The following LOXL2 variants were observed in gnomAD, a reference collection of about 807,000 sequenced individuals.
LOXL2 encodes lysyl oxidase like 2.
In LOXL2, 70 loss-of-function variants were observed where a neutral mutation model predicts 93.0. That is an observed-to-expected ratio of 0.75 (90% confidence interval 0.62 to 0.92). LOXL2 has a LOEUF of 0.92. LOXL2 is among the 40% of genes least tolerant of loss of function. LOXL2 has a pLI of 0.00. For synonymous variants in LOXL2, 438 were observed against 413.2 expected, an observed-to-expected ratio of 1.06 and a Z score of -0.73; for missense variants, 973 against 1,054.9, an observed-to-expected ratio of 0.92 and a Z score of 1.08.
At chr8:23,366,474 A>G (rs533439951) in intron 2 of LOXL2, among the ~76,000 whole-genome samples, 11 of 152,246 alleles carry the variant, frequency 7.2e-5, no homozygotes, top group Non-Finnish European at 1.0e-4. Flanking sequence ...GAAAAGTTGG[A>G]AGGGAGGATA....
At chr8:23,338,010 C>T (rs1256045324) in intron 4 of LOXL2, among the ~76,000 whole-genome samples, 1 of 152,192 alleles carries the variant, frequency 6.6e-6, no homozygotes, top group Non-Finnish European at 1.5e-5. Flanking sequence ...TCAATAAGCT[C>T]AACAGTTTCA....
intron 3 of LOXL2, among the ~76,000 whole-genome samples, chr8:23,349,263 G>A (rs1333228993): frequency 2.0e-5 from 3 of 152,120 alleles, no homozygotes; most frequent in East Asian, 1.9e-4. Context: ...TCTCCCATCC[G>A]TTCATCCTCT....
chr8:23,314,797 AATAAATAC>A (rs1349442268), intron 9 of LOXL2, among the ~76,000 whole-genome samples: 2 of 150,980 alleles, frequency 1.3e-5, no homozygotes, highest in African/African-American at 2.4e-5. Flanking sequence ...GTATAATAAT[AATAAATAC>A]ATAAATACAT....
chr8:23,328,708 G>GGTGT (rs1406520302), intron 5 of LOXL2, 143 bp from the exon 6 acceptor site: 1 of 422,718 alleles, frequency 2.4e-6, no homozygotes, highest in Non-Finnish European at 4.2e-6. Context: ...TTGATGTATG[G>GGTGT]ATGTGTGTGT....
At chr8:23,367,141 C>G (rs1463062664) in intron 2 of LOXL2, among the ~76,000 whole-genome samples, 2 of 152,152 alleles carry the variant, frequency 1.3e-5, no homozygotes, top group Non-Finnish European at 2.9e-5. Flanking sequence ...CTCCGCCTCC[C>G]GGGTTCAAGC....
intron 2 of LOXL2, among the ~76,000 whole-genome samples, chr8:23,362,205 C>A (rs73224491): frequency 6.6e-6 from 1 of 152,018 alleles, no homozygotes; most frequent in East Asian, 1.9e-4. Context: ...AATAAAGACA[C>A]TATGCTAAGT....
intron 3 of LOXL2, 198 bp from the exon 4 acceptor site, chr8:23,341,401 A>G: frequency 1.7e-6 from 1 of 600,820 alleles, no homozygotes; most frequent in South Asian, 1.9e-5. Context: ...TATGCATGGG[A>G]GATAGTGAGG....
At chr8:23,332,494 AC>A (rs1803707613) in intron 5 of LOXL2, among the ~76,000 whole-genome samples, 1 of 35,818 alleles carries the variant, frequency 2.8e-5, no homozygotes, top group Non-Finnish European at 4.9e-5. Context: ...ATACCCCCCC[AC>A]TCATACACAC....
chr8:23,349,739 T>G (rs1804059483), intron 3 of LOXL2, among the ~76,000 whole-genome samples: 1 of 152,016 alleles, frequency 6.6e-6, no homozygotes, highest in African/African-American at 2.4e-5. Context: ...CCTTATTCAT[T>G]TTTGTATTAC....
intron 11 of LOXL2, among the ~76,000 whole-genome samples, chr8:23,302,463 G>GACATCCTCA (rs1272375141): frequency 3.9e-4 from 60 of 152,208 alleles, no homozygotes; most frequent in African/African-American, 1.4e-3. Flanking sequence ...GCGTGTGTGT[G>GACATCCTCA]GACCGAGGAA....
At chr8:23,333,663 G>A in intron 4 of LOXL2, 40 bp from the exon 5 acceptor site, 1 of 1,521,582 alleles carries the variant, frequency 6.6e-7, no homozygotes, top group Non-Finnish European at 9.1e-7. Context: ...AGGGCATCAT[G>A]ACGCCTACCC....
At chr8:23,398,227 A>T (rs1229078642) in intron 1 of LOXL2, among the ~76,000 whole-genome samples, 1 of 151,424 alleles carries the variant, frequency 6.6e-6, no homozygotes, top group South Asian at 2.1e-4. Context: ...ACCATAAGTT[A>T]TCTTGTCGTA....
At chr8:23,311,169 C>T (rs1478085287) in intron 9 of LOXL2, among the ~76,000 whole-genome samples, 2 of 152,204 alleles carry the variant, frequency 1.3e-5, no homozygotes, top group African/African-American at 4.8e-5. Flanking sequence ...CCTCCCCCTC[C>T]AGGCTTACAG....
chr8:23,403,283 G>A (rs575627102), intron 1 of LOXL2, among the ~76,000 whole-genome samples: 3 of 152,200 alleles, frequency 2.0e-5, no homozygotes, highest in African/African-American at 7.2e-5. Flanking sequence ...AGGCGGGAGA[G>A]GGTCCCTGGT....
At chr8:23,303,125 G>A (rs867227049) in intron 11 of LOXL2, among the ~76,000 whole-genome samples, 157 bp downstream of exon 11, 6 of 152,102 alleles carry the variant, frequency 3.9e-5, no homozygotes, top group East Asian at 1.9e-4. Flanking sequence ...TGCCCCCAGC[G>A]CCTCACTATA....
chr8:23,314,029 A>G (rs1199833933), intron 9 of LOXL2, among the ~76,000 whole-genome samples: 25 of 144,570 alleles, frequency 1.7e-4, no homozygotes, highest in African/African-American at 6.3e-4. Flanking sequence ...GCAGCCAAAA[A>G]ACACATGAAA....
intron 2 of LOXL2, among the ~76,000 whole-genome samples, chr8:23,362,415 A>C (rs749635721): frequency 2.0e-5 from 3 of 152,238 alleles, no homozygotes; most frequent in Non-Finnish European, 2.9e-5. Flanking sequence ...GAATATACTT[A>C]ACACTACTGA....
intron 9 of LOXL2, chr8:23,316,708 T>A (rs1260113249): frequency 5.9e-6 from 3 of 509,026 alleles, no homozygotes; most frequent in Non-Finnish European, 1.0e-5. Context: ...GTCCTGTGAC[T>A]GAATCCGGGC....
At chr8:23,323,453 C>G (rs899094749) in intron 6 of LOXL2, among the ~76,000 whole-genome samples, 3 of 152,226 alleles carry the variant, frequency 2.0e-5, no homozygotes, top group East Asian at 1.9e-4. Flanking sequence ...TAAGGAGAAG[C>G]CTGCCTTGAA....
Sources: gnomAD v4.1 joint callset for allele counts (sites outside exome capture counted in the v4.1 genomes callset) on GRCh38, gnomAD v4.1.1 for gene constraint, MANE v1.5 for transcripts, NCBI Gene and HGNC (gene_info 2026-07-23, HGNC 2026-07-21) for gene names.